The following TSHZ3 variants were observed in gnomAD, a reference collection of about 807,000 sequenced individuals.
TSHZ3 encodes teashirt homolog 3.
TSHZ3 carries 10 observed loss-of-function variants against 64.5 expected under a neutral mutation model. The observed-to-expected ratio is 0.16, with a 90% confidence interval of 0.10 to 0.26. The LOEUF (loss-of-function observed/expected upper bound fraction) is 0.26. Ranked by LOEUF, TSHZ3 falls within the 10% of genes least tolerant of loss-of-function variation. The pLI is 1.00. For synonymous variants in TSHZ3, 608 were observed against 593.1 expected (o/e 1.03, Z -0.36); for missense variants, 1,242 against 1,421.7 (o/e 0.87, Z 2.03).
At chr19:31,213,407 G>C (rs908981501) in intron 4 of TSHZ3, among the ~76,000 whole-genome samples, 1 of 143,314 alleles carries the variant, frequency 7.0e-6, no homozygotes, top group Non-Finnish European at 1.5e-5. Context: ...GGTGTCCAGG[G>C]GTAAGGAGGG....
chr19:31,290,359 G>A (rs554078604), intron 1 of TSHZ3, among the ~76,000 whole-genome samples: 2 of 152,264 alleles, frequency 1.3e-5, no homozygotes, highest in South Asian at 4.1e-4. Flanking sequence ...CAGTGTGAAG[G>A]CAGGACTTCC....
intron 5 of TSHZ3, among the ~76,000 whole-genome samples, chr19:31,198,836 A>G (rs1975030654): frequency 6.6e-6 from 1 of 152,208 alleles, no homozygotes; most frequent in Non-Finnish European, 1.5e-5. Flanking sequence ...TAATATTGTG[A>G]AGATTTCACC....
intron 4 of TSHZ3, among the ~76,000 whole-genome samples, chr19:31,219,598 G>A (rs1025694691): frequency 2.6e-5 from 4 of 151,996 alleles, no homozygotes; most frequent in African/African-American, 9.7e-5. Flanking sequence ...TTGAAATGTG[G>A]CCTGTGCAAT....
intron 1 of TSHZ3, among the ~76,000 whole-genome samples, chr19:31,310,803 A>G (rs1297351864): frequency 6.6e-6 from 1 of 152,194 alleles, no homozygotes; most frequent in Non-Finnish European, 1.5e-5. Context: ...TGTTAATGGA[A>G]TTATGCACAT....
At chr19:31,286,496 AATC>A (rs1326497460) in intron 1 of TSHZ3, among the ~76,000 whole-genome samples, 3 of 152,196 alleles carry the variant, frequency 2.0e-5, no homozygotes, top group Admixed American at 2.0e-4. Flanking sequence ...AAGGTGGAAA[AATC>A]ATCTCCATTT....
At position 31,275,102 on chromosome 19, in the gene TSHZ3, G is replaced by A. The variant is rs1976205211; in HGVS notation, c.*1445C>T. ...ATATTTTATACAAAGGTTCTCATAT[G>A]GTGTCAGCTGTCAGTTACTTCTGCA... On this transcript the variant is annotated 3_prime_UTR_variant, in exon 2 of 2. Transcript: ENST00000240587. 1 of 152,538 alleles carries A rather than the reference G, an allele frequency of 6.6e-6. No individual in the cohort carries two copies. Among genetic ancestry groups the A allele is most frequent in the Admixed American group, 6.5e-5 (1 of 15,280 alleles). 9.4% of individuals were successfully genotyped at this position (152,538 alleles called of 1,614,324 possible).
At chr19:31,153,147 C>A (rs114580326) in intron 6 of TSHZ3, among the ~76,000 whole-genome samples, 288 of 152,258 alleles carry the variant, frequency 1.9e-3, no homozygotes, top group African/African-American at 6.8e-3. Flanking sequence ...CAGCTGTTTA[C>A]TACGGTTGGG....
At position 31,279,518 on chromosome 19, in the gene TSHZ3, G is replaced by A; in HGVS notation, c.275C>T (p.Ser92Phe). ...CTTGGTCTCCTCTTCGTTCTTGATG[G>A]AGCCGCTTTCAAAGTCAGCCATTCG... Reference protein sequence around the residue: ...SDRMADFESGSIKNEEETKEV... With the variant: ...SDRMADFESGFIKNEEETKEV... The change falls in exon 2 of 2, where the codon TCC (serine) becomes TTC (phenylalanine). Residue 92 changes from serine (S) to phenylalanine (F), a missense_variant. Physicochemically the swap from Ser to Phe is radical, Grantham distance 155 (BLOSUM62 -2). Transcript: ENST00000240587. The surrounding 1 kb of genome is among the most constrained non-coding windows in gnomAD (Gnocchi z 6.4). 6.2e-7 allele frequency: 1 copy of A among 1,612,380 alleles called. No individual in the cohort carries two copies.
chr19:31,294,637 T>C (rs1339392159), intron 1 of TSHZ3, among the ~76,000 whole-genome samples: 1 of 152,232 alleles, frequency 6.6e-6, no homozygotes, highest in Non-Finnish European at 1.5e-5. Context: ...TGCCTACAGA[T>C]TTCAACCTCA....
intron 5 of TSHZ3, among the ~76,000 whole-genome samples, chr19:31,179,557 C>T (rs577498378): frequency 6.6e-6 from 1 of 152,162 alleles, no homozygotes; most frequent in South Asian, 2.1e-4. Flanking sequence ...GTGATGAAGA[C>T]AATGATGATG....
intron 4 of TSHZ3, among the ~76,000 whole-genome samples, chr19:31,217,277 A>G (rs1295556604): frequency 1.3e-5 from 2 of 152,194 alleles, no homozygotes; most frequent in Non-Finnish European, 2.9e-5. Context: ...AAAGGAACAG[A>G]AAGAAATCCA....
At chr19:31,287,564 G>C (rs1976483803) in intron 1 of TSHZ3, among the ~76,000 whole-genome samples, 1 of 151,974 alleles carries the variant, frequency 6.6e-6, no homozygotes, top group Non-Finnish European at 1.5e-5. Context: ...AGAGAGGAGG[G>C]GGCCCAGCAG....
At chr19:31,312,061 T>C (rs1014318935) in intron 1 of TSHZ3, among the ~76,000 whole-genome samples, 1 of 152,198 alleles carries the variant, frequency 6.6e-6, no homozygotes, top group Non-Finnish European at 1.5e-5. Context: ...CTCCATGTCA[T>C]GGCCTTTGAG....
intron 5 of TSHZ3, among the ~76,000 whole-genome samples, chr19:31,175,077 C>T (rs1229020579): frequency 6.6e-6 from 1 of 152,156 alleles, no homozygotes; most frequent in African/African-American, 2.4e-5. Flanking sequence ...CTTGTGGTCT[C>T]ACCCCAGCCC....
At chr19:31,182,022 C>T (rs1189730491) in intron 5 of TSHZ3, among the ~76,000 whole-genome samples, 1 of 152,086 alleles carries the variant, frequency 6.6e-6, no homozygotes. Context: ...TCTGTCATCC[C>T]CACTGCAAAC....
rs141633999 is a variant in TSHZ3, at chr19:31,334,863, C to T, written c.40+14317G>A. 3.5e-3 allele frequency among the ~76,000 whole-genome samples: 534 copies of T among 152,226 alleles called. 1 individual carries two copies. Among genetic ancestry groups the T allele is most frequent in the South Asian group, 0.01 (49 of 4,822 alleles). On this transcript the variant is annotated intron_variant, in intron 1 of 1. Coordinates refer to ENST00000240587, the MANE Select transcript of TSHZ3 (RefSeq NM_020856.4). ...AACCTGGGGACGGAGATGCTGAAAT[C>T]CTGGCCAAAATGCACACCCACAGAA...
intron 3 of TSHZ3, among the ~76,000 whole-genome samples, chr19:31,228,625 A>G (rs1006699171): frequency 2.0e-5 from 3 of 152,072 alleles, no homozygotes; most frequent in African/African-American, 7.2e-5. Context: ...TGTTTCAATC[A>G]GAAGCTTAGG....
chr19:31,214,551 G>A (rs1194726933), intron 4 of TSHZ3, among the ~76,000 whole-genome samples: 1 of 152,204 alleles, frequency 6.6e-6, no homozygotes, highest in Non-Finnish European at 1.5e-5. Context: ...CACCTAAGTT[G>A]ACTGAGACTT....
chr19:31,217,923 T>C (rs1288090532), intron 4 of TSHZ3, among the ~76,000 whole-genome samples: 3 of 152,124 alleles, frequency 2.0e-5, no homozygotes, highest in East Asian at 3.9e-4. Context: ...GTAAAGCATG[T>C]AAAACACAAA....
Sources: allele counts gnomAD v4.1 joint callset (sites outside exome capture counted in the v4.1 genomes callset), GRCh38; gene constraint gnomAD v4.1.1; non-coding constraint Gnocchi (gnomAD v3.1); transcripts MANE v1.5; gene names NCBI Gene and HGNC (gene_info 2026-07-23, HGNC 2026-07-21).